The following ARHGEF28 variants were observed in gnomAD, a reference collection of about 807,000 sequenced individuals.
The protein encoded by ARHGEF28 is Rho guanine nucleotide exchange factor 28.
A neutral mutation model predicts 206.6 loss-of-function variants in ARHGEF28; 152 were observed. That is an observed-to-expected ratio of 0.74 (90% CI 0.64 to 0.84). The LOEUF is 0.84. Among genes scored for constraint, ARHGEF28 ranks in the 40% least tolerant of loss-of-function variants. The pLI is 0.00. For synonymous variants in ARHGEF28, 763 were observed against 776.4 expected, an observed-to-expected ratio of 0.98 and a Z score of 0.29; for missense variants, 2,028 against 2,073.2, an observed-to-expected ratio of 0.98 and a Z score of 0.42.
intron 1 of ARHGEF28, among the ~76,000 whole-genome samples, chr5:73,683,454 A>G (rs980405199): frequency 2.0e-5 from 3 of 151,846 alleles, no homozygotes; most frequent in African/African-American, 7.2e-5. Context: ...CTGGCATCAT[A>G]TAGTATTTTT....
intron 2 of ARHGEF28, among the ~76,000 whole-genome samples, chr5:73,698,597 G>GT (rs1292784353): frequency 1.3e-5 from 2 of 151,834 alleles, no homozygotes; most frequent in African/African-American, 2.4e-5. Context: ...TGGTTTCTGA[G>GT]TTTTTTTTCA....
At position 73,752,936 on chromosome 5, in the gene ARHGEF28, T is replaced by A. The variant is rs757243472; in HGVS notation, c.209T>A (p.Val70Glu). The A allele has an allele frequency of 6.2e-7, 1 of 1,613,878 alleles. No individual in the cohort carries two copies. The highest frequency in any genetic ancestry group is 8.5e-7 in the Non-Finnish European group (1 of 1,179,850). The change falls in exon 4 of 36, where the codon GTA (valine) becomes GAA (glutamate). Residue 70 changes from valine to glutamate, a missense_variant. By Grantham distance (121) the Val-to-Glu change is moderately radical. Coordinates refer to ENST00000513042, the MANE Select transcript of ARHGEF28 (RefSeq NM_001177693.2). ...PGHGLQETVTVSVCLCSEGYS... is the reference protein window; with the variant it reads ...PGHGLQETVTESVCLCSEGYS... ...CATGGGCTTCAGGAGACGGTGACGG[T>A]ATCTGTGTGCCTCTGCTCGGAAGGT... is the stretch of plus-strand genomic sequence containing the variant.
chr5:73,647,575 A>G lies in ARHGEF28; in HGVS notation c.-12+21253A>G, dbSNP rs1456872375. Among the ~76,000 whole-genome samples the G allele has an allele frequency of 2.0e-5, 3 of 152,242 alleles. No individual in the cohort carries two copies. In the East Asian group the frequency reaches 5.8e-4, roughly 29 times the overall value. ...AAGTCAAAAGTGGTAGGTGAAAGTA[A>G]TCCAGTATTTTTAACCTACTATATC... On this transcript the variant is annotated intron_variant, in intron 1 of 35. Coordinates refer to ENST00000513042, the MANE Select transcript of ARHGEF28 (RefSeq NM_001177693.2).
chr5:73,917,949 T>A (rs1763303801), intron 35 of ARHGEF28, among the ~76,000 whole-genome samples: 1 of 152,168 alleles, frequency 6.6e-6, no homozygotes, highest in South Asian at 2.1e-4. Context: ...AACTGAAGGA[T>A]GAGGCTTGCT....
chr5:73,769,959 G>A (rs1201940592), intron 4 of ARHGEF28, among the ~76,000 whole-genome samples: 2 of 152,164 alleles, frequency 1.3e-5, no homozygotes, highest in Non-Finnish European at 2.9e-5. Flanking sequence ...TGGCACATTT[G>A]GTTATGATCG....
At chr5:73,824,001 G>T (rs1756747226) in intron 9 of ARHGEF28, among the ~76,000 whole-genome samples, 1 of 152,178 alleles carries the variant, frequency 6.6e-6, no homozygotes, top group South Asian at 2.1e-4. Context: ...GTAGTGTCTG[G>T]TATAATTACC....
At chr5:73,725,351 A>C (rs1317536174) in intron 2 of ARHGEF28, among the ~76,000 whole-genome samples, 1 of 152,212 alleles carries the variant, frequency 6.6e-6, no homozygotes, top group Non-Finnish European at 1.5e-5. Context: ...TTCATTTAGG[A>C]ACAGTTAAAA....
chr5:73,888,451 C>T (rs373476367), intron 26 of ARHGEF28, among the ~76,000 whole-genome samples: 2 of 152,266 alleles, frequency 1.3e-5, no homozygotes, highest in South Asian at 4.1e-4. Flanking sequence ...GCTTGAGATT[C>T]TCTTAAAGAA....
intron 1 of ARHGEF28, among the ~76,000 whole-genome samples, chr5:73,637,592 G>A (rs1743806751): frequency 6.6e-6 from 1 of 152,230 alleles, no homozygotes. Context: ...GCTGAGTGTA[G>A]GGGCTCTAAG....
At chr5:73,907,982 G>A (rs1442493475) in intron 33 of ARHGEF28, among the ~76,000 whole-genome samples, 3 of 152,144 alleles carry the variant, frequency 2.0e-5, no homozygotes, top group African/African-American at 4.8e-5. Flanking sequence ...AGATTTATTA[G>A]AATTAAGTGG....
intron 2 of ARHGEF28, among the ~76,000 whole-genome samples, chr5:73,690,856 TTAAA>T (rs1239047856): frequency 6.6e-6 from 1 of 152,216 alleles, no homozygotes; most frequent in Non-Finnish European, 1.5e-5. Context: ...TTTAAAATGA[TTAAA>T]TAACACTTGC....
At chr5:73,762,156 TA>T (rs1014155194) in intron 4 of ARHGEF28, among the ~76,000 whole-genome samples, 5 of 151,816 alleles carry the variant, frequency 3.3e-5, no homozygotes, top group African/African-American at 1.2e-4. Flanking sequence ...TTGCCCTCTT[TA>T]AAAAAATCTA....
intron 2 of ARHGEF28, among the ~76,000 whole-genome samples, chr5:73,693,874 G>C (rs1253812472): frequency 2.8e-5 from 4 of 141,828 alleles, no homozygotes; most frequent in Non-Finnish European, 6.1e-5. Context: ...CTTGTCTCCT[G>C]TTTTCCTTCT....
chr5:73,633,786 A>T (rs971755831), intron 1 of ARHGEF28, among the ~76,000 whole-genome samples: 1 of 151,924 alleles, frequency 6.6e-6, no homozygotes, highest in Non-Finnish European at 1.5e-5. Context: ...CATGTTGGCC[A>T]GGCTGGTCTC....
rs1391503379 is a variant in ARHGEF28, at chr5:73,773,908, A to G, written c.529A>G (p.Lys177Glu). 6 of 1,609,034 alleles carry G rather than the reference A, an allele frequency of 3.7e-6. No individual in the cohort carries two copies. In the South Asian group the frequency reaches 6.7e-5, roughly 18 times the overall value. The change falls in exon 5 of 36, where the codon AAA becomes GAA. Residue 177 changes from lysine to glutamate, a missense_variant. This residue lies in a region of ARHGEF28 where 1,002 missense variants were observed against 1,015.3 expected (regional missense o/e 0.99). Transcript: ENST00000513042. Reference protein sequence around the residue: ...LHLAMRWGLAKLSQFFLCLPG... With the variant: ...LHLAMRWGLAELSQFFLCLPG... ...CCTGGCTATGAGATGGGGCCTGGCT[A>G]AACTTTCCCAGTTCTTCTTGTGTCT...
chr5:73,930,920 T>C (rs113894963), intron 35 of ARHGEF28, among the ~76,000 whole-genome samples: 19 of 152,298 alleles, frequency 1.2e-4, no homozygotes, highest in African/African-American at 4.6e-4. Context: ...CCCAGGGCCA[T>C]CCCTTCTCTC....
intron 7 of ARHGEF28, among the ~76,000 whole-genome samples, chr5:73,793,048 C>T (rs1414290936): frequency 2.0e-5 from 3 of 152,168 alleles, no homozygotes; most frequent in Non-Finnish European, 4.4e-5. Flanking sequence ...GATCAGTTGA[C>T]ATGACCACAC....
intron 1 of ARHGEF28, among the ~76,000 whole-genome samples, chr5:73,662,861 GT>G (rs1745697805): frequency 6.6e-5 from 10 of 152,204 alleles, no homozygotes. Context: ...TTCTGGAGAA[GT>G]TTTGGAGGGA....
At chr5:73,752,590 C>T (rs1752074663) in intron 3 of ARHGEF28, among the ~76,000 whole-genome samples, 1 of 152,094 alleles carries the variant, frequency 6.6e-6, no homozygotes, top group Non-Finnish European at 1.5e-5. Flanking sequence ...AACACAAATT[C>T]AGGGGTCAGG....
Sources: gnomAD v4.1 joint callset for allele counts (sites outside exome capture counted in the v4.1 genomes callset) on GRCh38, gnomAD v4.1.1 for gene constraint, gnomAD v4.1.1 regional missense constraint, MANE v1.5 for transcripts, NCBI Gene and HGNC (gene_info 2026-07-23, HGNC 2026-07-21) for gene names.